Variants in RBBP8NL observed in about 807,000 individuals in gnomAD.
RBBP8NL encodes RBBP8 N-terminal like, also known as RBBP8 N-terminal-like protein.
RBBP8NL carries 59 observed loss-of-function variants against 62.2 expected under a neutral mutation model. The ratio of observed to expected loss-of-function variants is 0.95; its 90% confidence interval spans 0.77 to 1.18. RBBP8NL has a LOEUF of 1.18. Ranked by LOEUF, RBBP8NL falls within the 50% of genes most tolerant of loss-of-function variation. RBBP8NL has a pLI of 0.00. For missense variants in RBBP8NL, 896 were observed against 899.5 expected (o/e 1.00, Z 0.05); for synonymous variants, 412 against 394.1 (o/e 1.05, Z -0.54).
chr20:62,423,415 C>T (rs955952535), intron 1 of RBBP8NL, among the ~76,000 whole-genome samples: 1 of 152,238 alleles, frequency 6.6e-6, no homozygotes, highest in African/African-American at 2.4e-5. Flanking sequence ...CAAGGGGGCC[C>T]CTGGGAGGAA....
chr20:62,412,647 C>A lies in RBBP8NL; in HGVS notation c.1853G>T (p.Arg618Leu), dbSNP rs747597177. ...HGQGPPRKRKRASEPGDKASK... is the reference protein window; with the variant it reads ...HGQGPPRKRKLASEPGDKASK... ...ACCTTTGTCCCCAGGCTCCGAGGCC[C>A]GCTTCCTCTTCCGTGGTGGACCCTG... is the stretch of plus-strand genomic sequence containing the variant. The change falls in exon 13 of 14, where the codon CGG (arginine) becomes CTG (leucine). Residue 618 changes from arginine to leucine, a missense_variant. Physicochemically the swap from Arg to Leu is moderately radical, Grantham distance 102. Transcript: ENST00000252998. The A allele has an allele frequency of 6.2e-7, 1 of 1,606,240 alleles. No individual in the cohort carries two copies. Among genetic ancestry groups the A allele is most frequent in the Non-Finnish European group, 8.5e-7 (1 of 1,179,906 alleles).
At chr20:62,415,325 C>A in intron 8 of RBBP8NL, 38 bp from the exon 9 acceptor site, 1 of 1,538,508 alleles carries the variant, frequency 6.5e-7, no homozygotes, top group Non-Finnish European at 8.7e-7. Flanking sequence ...CGGGGGCATG[C>A]GTGGCCTCTG....
rs780335844 is a variant in RBBP8NL, at chr20:62,415,805, AC to A, written c.526del (p.Val176TrpfsTer34). On this transcript the variant is annotated frameshift_variant, in exon 7 of 14. Coordinates refer to ENST00000252998, the MANE Select transcript of RBBP8NL (RefSeq NM_080833.3). LOFTEE classifies it high-confidence loss of function. ...CACAGCACCTTCTCCCCGTAGGCCC[AC>A]GCCCTGGTGGTCTTCCTCAGCCTCC... is the stretch of plus-strand genomic sequence containing the variant. ...HEEAEEDHQG[V>X]GLRGEEKPAG... 3 of 1,612,038 alleles carry A rather than the reference AC, an allele frequency of 1.9e-6. No homozygotes were observed. Among genetic ancestry groups the A allele is most frequent in the Non-Finnish European group, 2.5e-6 (3 of 1,179,840 alleles).
At position 62,414,181 on chromosome 20, in the gene RBBP8NL, G is replaced by C. The variant is rs758203487; in HGVS notation, c.1170C>G (p.Val390=). 1 of 1,609,430 alleles carries C rather than the reference G, an allele frequency of 6.2e-7. No homozygotes were observed. Among genetic ancestry groups the C allele is most frequent in the Admixed American group, 1.7e-5 (1 of 59,802 alleles). ...TPGEMLPSLP[V]GSDSEGPENE... is the part of the protein sequence containing the mutation. ...TCTCAGGGCCCTCAGAGTCTGAGCC[G>C]ACTGGTAGGGAGGGCAGCATCTCCC... The change falls in exon 10 of 14, where the codon GTC becomes GTG. Residue 390 remains valine, a synonymous_variant. Transcript: ENST00000252998.
In RBBP8NL at chr20:62,414,475, T is replaced by C. The variant is rs985532706; in HGVS notation, c.876A>G (p.Leu292=). 7 of 1,476,998 alleles carry C rather than the reference T, an allele frequency of 4.7e-6. No homozygotes were observed. Among genetic ancestry groups the C allele is most frequent in the African/African-American group, 1.4e-5 (1 of 71,362 alleles). 91.5% of individuals were successfully genotyped at this position (1,476,998 alleles called of 1,614,324 possible). A position where few individuals can be genotyped will look rare whatever the true frequency, so the allele number is the denominator to read the frequency against. The change falls in exon 10 of 14, where the codon CTA becomes CTG. Residue 292 remains leucine (L), a synonymous_variant. Coordinates refer to ENST00000252998, the MANE Select transcript of RBBP8NL (RefSeq NM_080833.3). Reference sequence around the variant, plus strand: ...GAAGGTGCAGGGACAGGGGGCGGTTTAGGAGGCAGAGCCGGTCCACCTTCG... The same window carrying C: ...GAAGGTGCAGGGACAGGGGGCGGTTCAGGAGGCAGAGCCGGTCCACCTTCG... ...LSPKVDRLCL[L]NRPLSLHLQS... is the part of the protein sequence containing the mutation.
chr20:62,417,212 T>G lies in RBBP8NL; in HGVS notation c.200+12A>C, dbSNP rs774343505. 6 of 1,585,842 alleles carry G rather than the reference T, an allele frequency of 3.8e-6. No homozygotes were observed. Among genetic ancestry groups the G allele is most frequent in the Non-Finnish European group, 5.2e-6 (6 of 1,163,742 alleles). On this transcript the variant is annotated intron_variant, in intron 4 of 13. Transcript: ENST00000252998. Reference sequence around the variant, plus strand: ...GTCCTGGCCATGCTGCGAGGTGTCCTCCCAGGCCCACCTGTTCTCCAGCAC... The same window carrying G: ...GTCCTGGCCATGCTGCGAGGTGTCCGCCCAGGCCCACCTGTTCTCCAGCAC...
rs1988506617 is a variant in RBBP8NL, at chr20:62,414,198, G to T, written c.1153C>A (p.Leu385Met). The part of the protein sequence containing the change: ...PRGQPTPGEM[L>M]PSLPVGSDSE... ...TCTGAGCCGACTGGTAGGGAGGGCA[G>T]CATCTCCCCGGGTGTGGGCTGGCCC... The change falls in exon 10 of 14, where the codon CTG becomes ATG. Residue 385 changes from leucine to methionine, a missense_variant. Transcript: ENST00000252998. 3.1e-6 allele frequency: 5 copies of T among 1,608,810 alleles called. No individual in the cohort carries two copies. The East Asian group carries it at 1.1e-4, about 36-fold the overall frequency.
At chr20:62,417,397 G>T in intron 3 of RBBP8NL, 78 bp from the exon 4 acceptor site, 1 of 1,215,540 alleles carries the variant, frequency 8.2e-7, no homozygotes, top group Non-Finnish European at 1.2e-6. Context: ...CAGCCTGGGG[G>T]GGCAGCGCGA....
At chr20:62,412,993 G>A (rs1988470623) in intron 11 of RBBP8NL, 93 bp from the exon 12 acceptor site, 2 of 1,429,036 alleles carry the variant, frequency 1.4e-6, no homozygotes, top group Non-Finnish European at 1.9e-6. Context: ...CAACTCTGCA[G>A]ATGGGGAAAC....
chr20:62,412,583 C>A, intron 13 of RBBP8NL, 41 bp downstream of exon 13: 1 of 1,591,780 alleles, frequency 6.3e-7, no homozygotes, highest in Non-Finnish European at 8.5e-7. Flanking sequence ...GCTGTGGCTC[C>A]CCTCGCCCCC....
chr20:62,411,446 G>A (rs1390846143), intron 13 of RBBP8NL, among the ~76,000 whole-genome samples: 1 of 152,256 alleles, frequency 6.6e-6, no homozygotes, highest in African/African-American at 2.4e-5. Flanking sequence ...CAGGCTCTGA[G>A]TTGAATGGGT....
chr20:62,422,365 C>T (rs1162189178), intron 1 of RBBP8NL, among the ~76,000 whole-genome samples: 2 of 151,732 alleles, frequency 1.3e-5, no homozygotes, highest in African/African-American at 2.4e-5. Context: ...CCCATCCCAG[C>T]GTGGCCAAAC....
intron 1 of RBBP8NL, among the ~76,000 whole-genome samples, chr20:62,424,771 G>A (rs1988772687): frequency 6.6e-6 from 1 of 151,934 alleles, no homozygotes; most frequent in African/African-American, 2.4e-5. Flanking sequence ...TGCCCTCCTA[G>A]GGTCTCCACC....
Position 62,414,006 on chromosome 20 carries a change from G to A in RBBP8NL, c.1345C>T (p.Arg449Trp), listed in dbSNP as rs780896548. ...DKPLDLSEWG[R>W]ARGQDTPKPA... ...TTGGGAGTGTCCTGGCCCCGGGCCCGGCCCCACTCCGAGAGGTCCAGGGGC... is the reference window on the plus strand; with the variant it reads ...TTGGGAGTGTCCTGGCCCCGGGCCCAGCCCCACTCCGAGAGGTCCAGGGGC... The change falls in exon 10 of 14, where the codon CGG becomes TGG. Residue 449 changes from arginine to tryptophan, a missense_variant. Coordinates refer to ENST00000252998, the MANE Select transcript of RBBP8NL (RefSeq NM_080833.3). 7.6e-6 allele frequency: 12 copies of A among 1,575,860 alleles called. 1 individual carries two copies. The highest frequency in any genetic ancestry group is 3.5e-5 in the South Asian group (3 of 86,290).
chr20:62,422,686 G>A (rs1988733766), intron 1 of RBBP8NL, among the ~76,000 whole-genome samples: 1 of 151,752 alleles, frequency 6.6e-6, no homozygotes, highest in Non-Finnish European at 1.5e-5. Context: ...GGGTGGGGAT[G>A]GTGACTGGAG....
rs1317160304 is a variant in RBBP8NL, at chr20:62,414,217, C to G, written c.1134G>C (p.Gln378His). 1.5e-5 allele frequency: 24 copies of G among 1,605,850 alleles called. No individual in the cohort carries two copies. The highest frequency in any genetic ancestry group is 2.0e-5 in the Non-Finnish European group (24 of 1,177,538). Residue 378 changes from glutamine (Q) to histidine (H), a missense_variant, in exon 10 of 14, where the codon CAG (glutamine) becomes CAC (histidine). By Grantham distance (24) the Gln-to-His change is conservative (BLOSUM62 0). Coordinates refer to ENST00000252998, the MANE Select transcript of RBBP8NL (RefSeq NM_080833.3). ...AGGGCAGCATCTCCCCGGGTGTGGG[C>G]TGGCCCCTTGGCCTGACACTGCCTG... ...ARAGSVRPRG[Q>H]PTPGEMLPSL... is the part of the protein sequence containing the mutation.
intron 1 of RBBP8NL, among the ~76,000 whole-genome samples, 151 bp downstream of exon 1, chr20:62,427,309 C>A (rs1183844459): frequency 1.1e-4 from 16 of 152,214 alleles, no homozygotes; most frequent in Non-Finnish European, 1.6e-4. Context: ...TGTGCCACCC[C>A]TTAGGGAAGA....
Position 62,413,542 on chromosome 20 carries a change from G to T in RBBP8NL, c.1534C>A (p.Pro512Thr). 4.0e-6 allele frequency: 6 copies of T among 1,517,390 alleles called. No homozygotes were observed. The highest frequency in any genetic ancestry group is 5.3e-6 in the Non-Finnish European group (6 of 1,138,240). The allele number at this position is 1,517,390 out of a possible 1,614,324, so 94.0% of individuals were successfully genotyped here. A position where few individuals can be genotyped will look rare whatever the true frequency, so the allele number is the denominator to read the frequency against. ...EQEEASTPMD[P>T]SRPLPGSQLS... ...TGGGACCCTGGAAGTGGGCGTGAGGGGTCCTGGGGGGAGGCAAGTAGGTGG... is the reference window on the plus strand; with the variant it reads ...TGGGACCCTGGAAGTGGGCGTGAGGTGTCCTGGGGGGAGGCAAGTAGGTGG... The change falls in exon 11 of 14, where the codon CCC (proline) becomes ACC (threonine). Residue 512 changes from proline to threonine, a missense_variant. By Grantham distance (38) the Pro-to-Thr change is conservative. Transcript: ENST00000252998.
intron 13 of RBBP8NL, among the ~76,000 whole-genome samples, chr20:62,411,219 A>C (rs1988427479): frequency 6.6e-6 from 1 of 152,148 alleles, no homozygotes; most frequent in Non-Finnish European, 1.5e-5. Flanking sequence ...CACTCTCCCC[A>C]TTGTGTGACC....
Sources: allele counts gnomAD v4.1 joint callset (sites outside exome capture counted in the v4.1 genomes callset), GRCh38; gene constraint gnomAD v4.1.1; transcripts MANE v1.5; gene names NCBI Gene and HGNC (gene_info 2026-07-23, HGNC 2026-07-21).